FSHR: variants seen among roughly 807,000 people sequenced by gnomAD.
FSHR encodes follicle-stimulating hormone receptor.
Under a neutral mutation model 52.1 loss-of-function variants are expected in FSHR, and 46 were observed. The ratio of observed to expected loss-of-function variants is 0.88; its 90% CI spans 0.70 to 1.13. FSHR has a LOEUF of 1.13. Ranked by LOEUF, FSHR falls within the 50% of genes most tolerant of loss-of-function variation. FSHR has a pLI of 0.00. For missense variants in FSHR, 964 were observed against 834.6 expected, an observed-to-expected ratio of 1.16 and a Z score of -1.91; for synonymous variants, 399 against 309.6, an observed-to-expected ratio of 1.29 and a Z score of -3.03.
At chr2:48,990,750 A>G in intron 4 of FSHR, 113 bp from the exon 5 acceptor site, 1 of 765,524 alleles carries the variant, frequency 1.3e-6, no homozygotes, top group South Asian at 1.4e-5. Flanking sequence ...AGAAAAATCT[A>G]CGAGAAAAGC....
chr2:48,972,338 C>A (rs1231946663), intron 8 of FSHR, among the ~76,000 whole-genome samples: 1 of 152,172 alleles, frequency 6.6e-6, no homozygotes, highest in Non-Finnish European at 1.5e-5. Flanking sequence ...TCTGGTGGTC[C>A]AGGGCATCTT....
intron 4 of FSHR, among the ~76,000 whole-genome samples, chr2:48,992,374 T>TTTTCTG (rs2104108752): frequency 6.6e-6 from 1 of 152,132 alleles, no homozygotes; most frequent in Admixed American, 6.5e-5. Flanking sequence ...CACTGATCAG[T>TTTTCTG]TTTCTGTTTC....
At chr2:49,052,509 T>C (rs1668901575) in intron 2 of FSHR, among the ~76,000 whole-genome samples, 2 of 152,112 alleles carry the variant, frequency 1.3e-5, no homozygotes, top group Admixed American at 1.3e-4. Flanking sequence ...CCTGGAAAAA[T>C]GGAATAAAAA....
chr2:49,038,492 G>GCA (rs1345643670), intron 2 of FSHR, among the ~76,000 whole-genome samples: 1 of 151,578 alleles, frequency 6.6e-6, no homozygotes, highest in Admixed American at 6.6e-5. Context: ...GGGCGTGGTG[G>GCA]GGAGCACCTG....
chr2:49,092,704 TCA>T (rs1670655938), intron 1 of FSHR, among the ~76,000 whole-genome samples: 2 of 152,346 alleles, frequency 1.3e-5, no homozygotes, highest in Admixed American at 1.3e-4. Context: ...TCTCCCTCTG[TCA>T]CACAGGCTGG....
At chr2:49,077,629 G>A (rs930305522) in intron 1 of FSHR, among the ~76,000 whole-genome samples, 6 of 152,098 alleles carry the variant, frequency 3.9e-5, no homozygotes, top group Non-Finnish European at 7.4e-5. Context: ...GCATTGTCAG[G>A]CTGCAAATTT....
At chr2:49,022,659 G>A (rs962602658) in intron 2 of FSHR, among the ~76,000 whole-genome samples, 1 of 152,028 alleles carries the variant, frequency 6.6e-6, no homozygotes, top group Non-Finnish European at 1.5e-5. Flanking sequence ...TGACAGAAGG[G>A]CTCACACACT....
At chr2:49,063,109 C>G (rs1015716574) in intron 2 of FSHR, among the ~76,000 whole-genome samples, 33 of 152,090 alleles carry the variant, frequency 2.2e-4, no homozygotes, top group African/African-American at 7.5e-4. Flanking sequence ...CAAGGAGAGG[C>G]CCTAAATGCC....
chr2:49,079,386 T>C (rs922609605), intron 1 of FSHR, among the ~76,000 whole-genome samples: 3 of 152,096 alleles, frequency 2.0e-5, no homozygotes, highest in Admixed American at 6.6e-5. Flanking sequence ...TATGTGGAAA[T>C]TAACTGGCTG....
chr2:49,055,589 T>C (rs933902027), intron 2 of FSHR, among the ~76,000 whole-genome samples: 1 of 141,794 alleles, frequency 7.1e-6, no homozygotes, highest in Non-Finnish European at 1.5e-5. Flanking sequence ...TCCCAAAAGT[T>C]CTTTCCAAGG....
intron 2 of FSHR, among the ~76,000 whole-genome samples, chr2:49,043,158 G>A (rs1668538423): frequency 6.6e-6 from 1 of 152,002 alleles, no homozygotes; most frequent in Non-Finnish European, 1.5e-5. Context: ...CAAGTTTAAG[G>A]AAGGACTGAG....
intron 2 of FSHR, among the ~76,000 whole-genome samples, chr2:49,022,427 G>A (rs577098772): frequency 6.6e-6 from 1 of 152,230 alleles, no homozygotes; most frequent in East Asian, 1.9e-4. Context: ...CAGGTGAACA[G>A]GGTACAGTCA....
intron 4 of FSHR, chr2:48,997,212 A>G (rs1206436843): frequency 1.0e-5 from 10 of 984,628 alleles, no homozygotes; most frequent in East Asian, 1.1e-4. Context: ...CTGTAAAATG[A>G]TTTTGTGTAA....
At chr2:49,057,335 G>A (rs1327542163) in intron 2 of FSHR, among the ~76,000 whole-genome samples, 1 of 151,934 alleles carries the variant, frequency 6.6e-6, no homozygotes, top group African/African-American at 2.4e-5. Flanking sequence ...CATACACAAT[G>A]ACAGTAGCAG....
chr2:49,021,886 T>TATATATATATAG (rs1273265515), intron 2 of FSHR, among the ~76,000 whole-genome samples: 17 of 25,112 alleles, frequency 6.8e-4, no homozygotes, highest in Non-Finnish European at 9.5e-4. Context: ...TATATATATA[T>TATATATATATAG]AGAGAGAGAG....
intron 6 of FSHR, 69 bp downstream of exon 6, chr2:48,988,908 A>T (rs767741965): frequency 7.5e-7 from 1 of 1,335,608 alleles, no homozygotes; most frequent in Non-Finnish European, 1.1e-6. Flanking sequence ...GGAGCATCCA[A>T]TTATGAGAAA....
rs563700885 is a variant in FSHR, at chr2:49,067,993, G to T, written c.224+226C>A. On this transcript the variant is annotated intron_variant, in intron 2 of 9. Transcript: ENST00000406846. ...AGCAACCCCTTATTTGAGAAATGATGAAAATTGCTTGGATTGCTCTTTTGC... is the reference window on the plus strand; with the variant it reads ...AGCAACCCCTTATTTGAGAAATGATTAAAATTGCTTGGATTGCTCTTTTGC... Among the ~76,000 whole-genome samples, 25 of 151,582 alleles carry T rather than the reference G, an allele frequency of 1.6e-4. No homozygotes were observed. The South Asian group carries it at 5.2e-3, about 32-fold the overall frequency.
chr2:49,087,374 A>G (rs1670440260), intron 1 of FSHR, among the ~76,000 whole-genome samples: 1 of 152,204 alleles, frequency 6.6e-6, no homozygotes, highest in Middle Eastern at 3.4e-3. Flanking sequence ...GGGGAGTCCA[A>G]GATGAAGAAT....
intron 1 of FSHR, among the ~76,000 whole-genome samples, chr2:49,070,611 G>A (rs1669695062): frequency 6.6e-6 from 1 of 152,078 alleles, no homozygotes; most frequent in Non-Finnish European, 1.5e-5. Flanking sequence ...CTTGAATAAC[G>A]AACTCTTCTA....
Sources: allele counts gnomAD v4.1 joint callset (sites outside exome capture counted in the v4.1 genomes callset), GRCh38; gene constraint gnomAD v4.1.1; transcripts MANE v1.5; gene names NCBI Gene and HGNC (gene_info 2026-07-23, HGNC 2026-07-21).